GNB4: variants seen among roughly 807,000 people sequenced by gnomAD.
GNB4 encodes G protein subunit beta 4.
In GNB4, 28 loss-of-function variants were observed where a neutral mutation model predicts 45.2. That is an observed-to-expected ratio of 0.62 (90% confidence interval 0.46 to 0.85). The LOEUF (loss-of-function observed/expected upper bound fraction) is 0.85, where lower values mean the gene tolerates loss of function less well. Ranked by LOEUF, GNB4 falls within the 40% of genes least tolerant of loss-of-function variation. The pLI is 0.00. For synonymous variants in GNB4, 132 were observed against 143.7 expected, an observed-to-expected ratio of 0.92 and a Z score of 0.58; for missense variants, 321 against 425.4, an observed-to-expected ratio of 0.75 and a Z score of 2.16.
At position 179,401,126 on chromosome 3, in the gene GNB4, A is replaced by G. The variant is rs1398514513; in HGVS notation, c.*87T>C. 4.0e-6 allele frequency: 3 copies of G among 755,904 alleles called. No homozygotes were observed. The highest frequency in any genetic ancestry group is 5.8e-6 in the Non-Finnish European group (3 of 513,890). The allele number at this position is 755,904 out of a possible 1,614,324, so 46.8% of individuals were successfully genotyped here. A position where few individuals can be genotyped will look rare whatever the true frequency, so the allele number is the denominator to read the frequency against. On this transcript the variant is annotated 3_prime_UTR_variant, in exon 10 of 10. Coordinates refer to ENST00000232564, the MANE Select transcript of GNB4 (RefSeq NM_021629.4). ...TCTAATAGAAAAATCTTCACCTGCA[A>G]ATATAAGGTAGAATTTTTTCACAGC...
upstream of GNB4, among the ~76,000 whole-genome samples, chr3:179,456,294 T>C (rs967042972): frequency 4.6e-5 from 7 of 152,068 alleles, no homozygotes; most frequent in African/African-American, 1.7e-4. Context: ...GGTTTCACCA[T>C]GTTCCCCAGG....
chr3:179,474,092 A>G, the GNB4 span, among the ~76,000 whole-genome samples: 3 of 152,216 alleles, frequency 2.0e-5, no homozygotes, highest in Non-Finnish European at 2.9e-5. Flanking sequence ...TGGGAGGTCA[A>G]GGTGGGAGGA....
At chr3:179,466,007 G>GTTTTTT in the GNB4 span, among the ~76,000 whole-genome samples, 2 of 90,912 alleles carry the variant, frequency 2.2e-5, no homozygotes, top group Non-Finnish European at 4.2e-5. Flanking sequence ...TCCTCTAGTC[G>GTTTTTT]TTTTTTTTTT....
At chr3:179,450,495 G>A (rs750174009) in intron 1 of GNB4, among the ~76,000 whole-genome samples, 12 of 152,140 alleles carry the variant, frequency 7.9e-5, no homozygotes, top group Non-Finnish European at 1.5e-5. Context: ...AAAACTTCCC[G>A]CTAAGCCACA....
chr3:179,396,578 GA>G lies in GNB4; in HGVS notation c.*4634del, dbSNP rs1714125135. 6.6e-6 allele frequency: 1 copy of G among 152,110 alleles called. No homozygotes were observed. The highest frequency in any genetic ancestry group is 1.5e-5 in the Non-Finnish European group (1 of 68,010). The allele number at this position is 152,110 out of a possible 1,614,324, so 9.4% of individuals were successfully genotyped here. ...ATACTGTATGATGTAAGATTTTGTTGAATACATTTAACACCAGTTGGAATAT... is the reference window on the plus strand; with the variant it reads ...ATACTGTATGATGTAAGATTTTGTTGATACATTTAACACCAGTTGGAATAT... On this transcript the variant is annotated 3_prime_UTR_variant, in exon 10 of 10. Coordinates refer to ENST00000232564, the MANE Select transcript of GNB4 (RefSeq NM_021629.4).
chr3:179,490,090 C>T, the GNB4 span, among the ~76,000 whole-genome samples: 1 of 152,174 alleles, frequency 6.6e-6, no homozygotes, highest in African/African-American at 2.4e-5. Context: ...CTATTTCACC[C>T]ACTGAATGTA....
At chr3:179,503,859 T>C in the GNB4 span, among the ~76,000 whole-genome samples, 2 of 152,234 alleles carry the variant, frequency 1.3e-5, no homozygotes, top group African/African-American at 4.8e-5. Context: ...ACTTGTTTGA[T>C]CTGTTTTCCA....
the GNB4 span, among the ~76,000 whole-genome samples, chr3:179,475,978 A>G: frequency 6.6e-6 from 1 of 152,226 alleles, no homozygotes; most frequent in Non-Finnish European, 1.5e-5. Context: ...AAACTCATAC[A>G]ATATACCTTC....
intron 1 of GNB4, among the ~76,000 whole-genome samples, chr3:179,436,654 T>C (rs537402079): frequency 6.6e-6 from 1 of 152,144 alleles, no homozygotes; most frequent in East Asian, 1.9e-4. Flanking sequence ...AAGTGTTCCA[T>C]ACAAAGACAT....
intron 4 of GNB4, among the ~76,000 whole-genome samples, chr3:179,417,010 C>T (rs1714818636): frequency 6.6e-6 from 1 of 152,132 alleles, no homozygotes; most frequent in Non-Finnish European, 1.5e-5. Flanking sequence ...GAGGCCTCTA[C>T]CATCTGGTGA....
At chr3:179,494,546 AAGAG>A in the GNB4 span, among the ~76,000 whole-genome samples, 1 of 151,032 alleles carries the variant, frequency 6.6e-6, no homozygotes. Flanking sequence ...GAACAAAAGA[AAGAG>A]AGAGAGAGAA....
the GNB4 span, among the ~76,000 whole-genome samples, chr3:179,471,848 A>G: frequency 1.3e-5 from 2 of 152,202 alleles, no homozygotes; most frequent in Admixed American, 6.5e-5. Context: ...AATAAAGTAG[A>G]TATTTGGTTA....
the GNB4 span, among the ~76,000 whole-genome samples, chr3:179,472,519 G>C: frequency 1.3e-5 from 2 of 151,664 alleles, no homozygotes; most frequent in African/African-American, 4.8e-5. Context: ...CTATAGGTGT[G>C]TGTCACTATA....
chr3:179,417,940 A>G (rs529680203), intron 4 of GNB4, among the ~76,000 whole-genome samples: 41 of 152,296 alleles, frequency 2.7e-4, no homozygotes, highest in African/African-American at 9.1e-4. Context: ...CATCATCAGC[A>G]TAAGAGTTGA....
At chr3:179,432,096 T>A (rs1715325990) in intron 1 of GNB4, among the ~76,000 whole-genome samples, 1 of 152,144 alleles carries the variant, frequency 6.6e-6, no homozygotes, top group African/African-American at 2.4e-5. Flanking sequence ...CACATGAAAT[T>A]CTCAGTTCTC....
chr3:179,464,774 A>C, the GNB4 span: 2 of 1,297,182 alleles, frequency 1.5e-6, no homozygotes, highest in African/African-American at 1.5e-5. Flanking sequence ...TGAGAGAAGG[A>C]TCTGCAATGC....
At chr3:179,438,862 C>T (rs1018491877) in intron 1 of GNB4, among the ~76,000 whole-genome samples, 2 of 152,162 alleles carry the variant, frequency 1.3e-5, no homozygotes, top group African/African-American at 4.8e-5. Flanking sequence ...ACATCCACAT[C>T]CTGAAGATTT....
chr3:179,445,565 C>A (rs1265556659), intron 1 of GNB4, among the ~76,000 whole-genome samples: 1 of 152,156 alleles, frequency 6.6e-6, no homozygotes, highest in Non-Finnish European at 1.5e-5. Flanking sequence ...GGATTACAGG[C>A]ATGAGCCACT....
At position 179,420,877 on chromosome 3, in the gene GNB4, A is replaced by C; in HGVS notation, c.96+12T>G. 1 of 1,556,694 alleles carries C rather than the reference A, an allele frequency of 6.4e-7. No homozygotes were observed. Among genetic ancestry groups the C allele is most frequent in the Non-Finnish European group, 8.8e-7 (1 of 1,133,626 alleles). On this transcript the variant is annotated intron_variant, in intron 3 of 9. Coordinates refer to ENST00000232564, the MANE Select transcript of GNB4 (RefSeq NM_021629.4). ...AGTTACCAAAATGAAATAAAGAAAAACAAAACTTTACCTGAACAAGCGTTG... is the reference window on the plus strand; with the variant it reads ...AGTTACCAAAATGAAATAAAGAAAACCAAAACTTTACCTGAACAAGCGTTG...
Sources: allele counts gnomAD v4.1 joint callset (sites outside exome capture counted in the v4.1 genomes callset), GRCh38; gene constraint gnomAD v4.1.1; transcripts MANE v1.5; gene names NCBI Gene and HGNC (gene_info 2026-07-23, HGNC 2026-07-21).